B3GALT1: variants seen among roughly 807,000 people sequenced by gnomAD.
B3GALT1 encodes UDP-Gal:betaGlcNAc beta 1,3-galactosyltransferase, polypeptide 1.
Under a neutral mutation model 23.2 loss-of-function variants are expected in B3GALT1, and 10 were observed. That is an observed-to-expected ratio of 0.43 (90% CI 0.27 to 0.73). B3GALT1 has a LOEUF of 0.73. B3GALT1 is among the 30% of genes least tolerant of loss of function. The pLI is 0.21. For missense variants in B3GALT1, 299 were observed against 405.4 expected, an observed-to-expected ratio of 0.74 and a Z score of 2.25; for synonymous variants, 156 against 141.5, an observed-to-expected ratio of 1.10 and a Z score of -0.73.
At chr2:167,460,623 T>C (rs955325090) in intron 1 of B3GALT1, among the ~76,000 whole-genome samples, 1 of 152,098 alleles carries the variant, frequency 6.6e-6, no homozygotes, top group Non-Finnish European at 1.5e-5. Flanking sequence ...GTTTCTATTT[T>C]TTTTTTCCTT....
Position 167,425,415 on chromosome 2 carries a change from C to CA in B3GALT1, c.-510-64760dup, listed in dbSNP as rs202096306. 7.3e-4 allele frequency among the ~76,000 whole-genome samples: 111 copies of CA among 151,772 alleles called. 1 individual carries two copies. In the East Asian group the frequency reaches 0.018, roughly 24 times the overall value. ...TGGAGTATTAAAGAATGAATCCCAG[C>CA]AAGGGAAAAAAAATCACTACACCTA... On this transcript the variant is annotated intron_variant, in intron 1 of 4. Coordinates refer to ENST00000392690, the MANE Select transcript of B3GALT1 (RefSeq NM_020981.4).
chr2:167,341,419 T>C (rs1697144032), intron 1 of B3GALT1, among the ~76,000 whole-genome samples: 1 of 152,168 alleles, frequency 6.6e-6, no homozygotes, highest in South Asian at 2.1e-4. Flanking sequence ...CCCAGCACTT[T>C]GGGAGGCCAA....
chr2:167,796,396 C>T (rs754623042), intron 3 of B3GALT1, among the ~76,000 whole-genome samples: 4 of 152,094 alleles, frequency 2.6e-5, no homozygotes, highest in Non-Finnish European at 5.9e-5. Flanking sequence ...GTCTGAAAAT[C>T]CAAAAATTAA....
intron 1 of B3GALT1, among the ~76,000 whole-genome samples, chr2:167,422,218 C>G (rs1039512394): frequency 6.6e-6 from 1 of 151,912 alleles, no homozygotes; most frequent in South Asian, 2.1e-4. Flanking sequence ...CTCTCTCTCT[C>G]CCCCGCCCGC....
At chr2:167,663,398 G>A (rs1278266941) in intron 3 of B3GALT1, among the ~76,000 whole-genome samples, 1 of 151,668 alleles carries the variant, frequency 6.6e-6, no homozygotes, top group Non-Finnish European at 1.5e-5. Context: ...CTTTGCTATT[G>A]TGAATAATGC....
intron 3 of B3GALT1, among the ~76,000 whole-genome samples, chr2:167,665,869 CT>C (rs1686170559): frequency 6.8e-6 from 1 of 146,856 alleles, no homozygotes; most frequent in African/African-American, 2.7e-5. Context: ...CTTTATTGGT[CT>C]TGCTAGTGGT....
chr2:167,316,939 A>C (rs1195788917), intron 1 of B3GALT1, among the ~76,000 whole-genome samples: 1 of 152,122 alleles, frequency 6.6e-6, no homozygotes, highest in Non-Finnish European at 1.5e-5. Flanking sequence ...CATAGCACAG[A>C]TACTGAAAGG....
chr2:167,714,793 G>A lies in B3GALT1; in HGVS notation c.-352+67827G>A. On this transcript the variant is annotated intron_variant, in intron 3 of 4. Coordinates refer to ENST00000392690, the MANE Select transcript of B3GALT1 (RefSeq NM_020981.4). ...TTCTATAGGTCTCCAGCTCTTCAGT[G>A]ACATGGCTGATCTTTTCTTCCACTT... The A allele has an allele frequency of 3.1e-6, 5 of 1,613,352 alleles. No individual in the cohort carries two copies. In the South Asian group the frequency reaches 5.5e-5, roughly 18 times the overall value.
In B3GALT1 at chr2:167,296,909, A is replaced by T. The variant is rs1026096195; in HGVS notation, c.-511+3575A>T. ...CCAACCTGTTTATTCTAAGATCTAG[A>T]TCTCATGGACCAATCTCTTTCCATC... On this transcript the variant is annotated intron_variant, in intron 1 of 4. Transcript: ENST00000392690. 2.6e-5 allele frequency among the ~76,000 whole-genome samples: 4 copies of T among 152,144 alleles called. No homozygotes were observed. In the South Asian group the frequency reaches 8.3e-4, roughly 32 times the overall value.
intron 1 of B3GALT1, among the ~76,000 whole-genome samples, chr2:167,433,723 G>C (rs926651185): frequency 6.6e-6 from 1 of 152,180 alleles, no homozygotes; most frequent in Admixed American, 6.5e-5. Flanking sequence ...AAACAACAAA[G>C]AATTTCTGAA....
chr2:167,777,110 G>A (rs1391391921), intron 3 of B3GALT1, among the ~76,000 whole-genome samples: 1 of 152,018 alleles, frequency 6.6e-6, no homozygotes, highest in African/African-American at 2.4e-5. Context: ...CTAAGTATCA[G>A]GCATATAGTT....
At chr2:167,666,122 T>A (rs547231297) in intron 3 of B3GALT1, among the ~76,000 whole-genome samples, 66 of 152,350 alleles carry the variant, frequency 4.3e-4, no homozygotes, top group Non-Finnish European at 7.6e-4. Flanking sequence ...CTGCTTTGAA[T>A]GCATCCCAGA....
intron 4 of B3GALT1, among the ~76,000 whole-genome samples, chr2:167,849,797 G>A (rs1376897906): frequency 2.6e-5 from 4 of 151,874 alleles, no homozygotes; most frequent in Middle Eastern, 6.8e-3. Flanking sequence ...GGCTGAGGCA[G>A]GAGAATGGCG....
At chr2:167,712,258 A>G (rs1036730994) in intron 3 of B3GALT1, among the ~76,000 whole-genome samples, 3 of 152,144 alleles carry the variant, frequency 2.0e-5, no homozygotes, top group Non-Finnish European at 4.4e-5. Flanking sequence ...CTGTATTTGT[A>G]TTTTTTAAGA....
chr2:167,666,132 A>G (rs1686179393), intron 3 of B3GALT1, among the ~76,000 whole-genome samples: 1 of 152,140 alleles, frequency 6.6e-6, no homozygotes, highest in African/African-American at 2.4e-5. Flanking sequence ...TGCATCCCAG[A>G]GATTCTGGTA....
intron 3 of B3GALT1, among the ~76,000 whole-genome samples, chr2:167,694,758 G>A (rs1686767609): frequency 6.6e-6 from 1 of 152,088 alleles, no homozygotes; most frequent in Non-Finnish European, 1.5e-5. Context: ...GGGCAGCCGA[G>A]ATTCAAGGTC....
intron 2 of B3GALT1, among the ~76,000 whole-genome samples, chr2:167,501,021 T>C (rs1405538757): frequency 6.6e-6 from 1 of 152,072 alleles, no homozygotes; most frequent in Admixed American, 6.6e-5. Flanking sequence ...AGTAGAACAA[T>C]AGAGAACCCA....
chr2:167,835,692 G>A (rs1295747976), intron 4 of B3GALT1, among the ~76,000 whole-genome samples: 1 of 152,238 alleles, frequency 6.6e-6, no homozygotes, highest in Non-Finnish European at 1.5e-5. Flanking sequence ...GGTTCTCCCA[G>A]CATGCAGCTG....
chr2:167,818,863 C>T (rs571909161), intron 4 of B3GALT1, among the ~76,000 whole-genome samples, 70 bp downstream of exon 4: 2 of 152,316 alleles, frequency 1.3e-5, no homozygotes, highest in East Asian at 3.9e-4. Flanking sequence ...GGAAAAATAA[C>T]AGCAACTCTA....
Sources: allele counts gnomAD v4.1 joint callset (sites outside exome capture counted in the v4.1 genomes callset), GRCh38; gene constraint gnomAD v4.1.1; transcripts MANE v1.5; gene names NCBI Gene and HGNC (gene_info 2026-07-23, HGNC 2026-07-21).